HS1BP3: variants seen among roughly 807,000 people sequenced by gnomAD.
The protein encoded by HS1BP3 is HCLS1 binding protein 3.
Under a neutral mutation model 33.5 loss-of-function variants are expected in HS1BP3, and 32 were observed. The ratio of observed to expected loss-of-function variants is 0.95; its 90% CI spans 0.72 to 1.28. HS1BP3 has a LOEUF of 1.28. Among genes scored for constraint, HS1BP3 ranks in the 50% most tolerant of loss-of-function variants. HS1BP3 has a pLI of 0.00. For synonymous variants in HS1BP3, 187 were observed against 209.2 expected, an observed-to-expected ratio of 0.89 and a Z score of 0.92; for missense variants, 486 against 502.3, an observed-to-expected ratio of 0.97 and a Z score of 0.31.
chr2:20,607,342 G>T (rs112234471), intron 2 of HS1BP3, among the ~76,000 whole-genome samples: 8,974 of 152,120 alleles, frequency 0.059, 292 homozygotes, highest in Middle Eastern at 0.082. Context: ...TTTTAGAAGA[G>T]ACAGGGTTTC....
chr2:20,565,612 C>A (rs554343215), intron 5 of HS1BP3, among the ~76,000 whole-genome samples: 5 of 152,268 alleles, frequency 3.3e-5, no homozygotes, highest in Non-Finnish European at 7.3e-5. Context: ...GCAGGCCAAC[C>A]CCACCCCGTG....
chr2:20,638,162 T>C, intron 4 of HS1BP3: 2 of 581,898 alleles, frequency 3.4e-6, no homozygotes, highest in Non-Finnish European at 6.1e-6. Flanking sequence ...CGGAGGACTC[T>C]ACCAAGCCCC....
At chr2:20,595,922 G>A (rs921866244) in intron 3 of HS1BP3, among the ~76,000 whole-genome samples, 5 of 152,186 alleles carry the variant, frequency 3.3e-5, no homozygotes, top group African/African-American at 1.2e-4. Flanking sequence ...AGAGCTTCCC[G>A]CATGGCTGAT....
In HS1BP3 at chr2:20,573,886, G is replaced by A. The variant is rs375605249; in HGVS notation, c.303-13371C>T. On this transcript the variant is annotated intron_variant, in intron 5 of 5. Transcript: ENST00000446825. ...CCCACCAGGACAAGGAGGGCCAAGC[G>A]CTTTGCTGCCCTGCATGGTGGCCTG... 4.5e-4 allele frequency among the ~76,000 whole-genome samples: 68 copies of A among 152,328 alleles called. No individual in the cohort carries two copies. In the South Asian group the frequency reaches 0.011, roughly 25 times the overall value.
chr2:20,627,143 T>C (rs761872684), intron 4 of HS1BP3, among the ~76,000 whole-genome samples: 4 of 152,236 alleles, frequency 2.6e-5, no homozygotes, highest in Non-Finnish European at 5.9e-5. Flanking sequence ...GCGTGGCCCT[T>C]GCTCCTGGCC....
downstream of HS1BP3, among the ~76,000 whole-genome samples, chr2:20,587,678 A>G (rs4666433): frequency 0.95 from 144,796 of 152,218 alleles, 69,308 homozygotes; most frequent in South Asian, 1. Context: ...CCTGGGAGGC[A>G]GAGCTTGCAG....
Position 20,611,111 on chromosome 2 carries a change from G to A in HS1BP3, c.178+12785C>T, listed in dbSNP as rs1395608301. Among the ~76,000 whole-genome samples, 1 of 152,218 alleles carries A rather than the reference G, an allele frequency of 6.6e-6. No individual in the cohort carries two copies. Among genetic ancestry groups the A allele is most frequent in the Non-Finnish European group, 1.5e-5 (1 of 68,040 alleles). ...TAGCATGTTTGTGATATCCATTGTGGTATGTCTGTTAGAGGGTTTTTCCTT... is the reference window on the plus strand; with the variant it reads ...TAGCATGTTTGTGATATCCATTGTGATATGTCTGTTAGAGGGTTTTTCCTT... On this transcript the variant is annotated intron_variant, in intron 2 of 3. Transcript: ENST00000415264. This position sits in a 1 kb window ranked among gnomAD's most constrained non-coding sequence, Gnocchi z 4.9.
At chr2:20,603,788 G>T (rs975114261) in intron 2 of HS1BP3, among the ~76,000 whole-genome samples, 1 of 152,218 alleles carries the variant, frequency 6.6e-6, no homozygotes, top group African/African-American at 2.4e-5. Flanking sequence ...AAGCCACCAT[G>T]CTTGGCCTAC....
intron 3 of HS1BP3, among the ~76,000 whole-genome samples, chr2:20,597,168 G>A (rs998698309): frequency 2.0e-5 from 3 of 152,214 alleles, no homozygotes; most frequent in Non-Finnish European, 4.4e-5. Context: ...CTTGGCCACA[G>A]TCCTGGCCAT....
chr2:20,623,333 G>A (rs1440188104), intron 6 of HS1BP3: 1 of 152,232 alleles, frequency 6.6e-6, no homozygotes, highest in Non-Finnish European at 1.5e-5. Context: ...GAGCGTGTAA[G>A]GAGTCTGGCT....
chr2:20,638,796 A>T, intron 3 of HS1BP3, 144 bp from the exon 4 acceptor site: 2 of 652,298 alleles, frequency 3.1e-6, no homozygotes, highest in Non-Finnish European at 2.6e-6. Context: ...CCCTCCTGGG[A>T]CCTAAGCAGG....
intron 2 of HS1BP3, among the ~76,000 whole-genome samples, chr2:20,601,303 CATCAGT>C (rs1694063547): frequency 6.6e-6 from 1 of 152,156 alleles, no homozygotes; most frequent in African/African-American, 2.4e-5. Flanking sequence ...ACTGATAAAC[CATCAGT>C]ATCAGTATTC....
In HS1BP3 at chr2:20,618,993, GA is replaced by G. The variant is rs1558336853; in HGVS notation, c.1172del (p.Leu391ProfsTer21). ...HDTPAQAAPS[L>X]F ...AGGGGCCAGCATGGAAGGGTCAGAA[GA>G]GGCTGGGGGCGGCCTGGGCTGGTGT... On this transcript the variant is annotated frameshift_variant, in exon 7 of 7. Coordinates refer to ENST00000304031, the MANE Select transcript of HS1BP3 (RefSeq NM_022460.4). LOFTEE classifies it high-confidence loss of function. 1 of 1,613,592 alleles carries G rather than the reference GA, an allele frequency of 6.2e-7. No individual in the cohort carries two copies. Among genetic ancestry groups the G allele is most frequent in the Non-Finnish European group, 8.5e-7 (1 of 1,179,718 alleles).
chr2:20,579,786 C>T (rs1693489192), intron 5 of HS1BP3, among the ~76,000 whole-genome samples: 2 of 152,182 alleles, frequency 1.3e-5, no homozygotes, highest in South Asian at 2.1e-4. Flanking sequence ...TTTAAGTCTC[C>T]AAGACTCACT....
intron 4 of HS1BP3, 48 bp from the exon 5 acceptor site, chr2:20,624,940 C>T (rs1694730077): frequency 6.2e-7 from 1 of 1,607,266 alleles, no homozygotes; most frequent in South Asian, 1.1e-5. Context: ...CCACAAGTGT[C>T]CAGGTGGTCC....
chr2:20,605,132 G>A (rs1363222787), intron 2 of HS1BP3, among the ~76,000 whole-genome samples: 1 of 152,184 alleles, frequency 6.6e-6, no homozygotes, highest in Non-Finnish European at 1.5e-5. Flanking sequence ...TTTAGATGCA[G>A]CCAAGACAGA....
intron 4 of HS1BP3, among the ~76,000 whole-genome samples, chr2:20,631,715 G>A (rs1694974365): frequency 6.6e-6 from 1 of 151,818 alleles, no homozygotes; most frequent in South Asian, 2.1e-4. Flanking sequence ...GAGCTTGTGG[G>A]TGATGCCATT....
chr2:20,622,697 A>C (rs1208052285), intron 6 of HS1BP3: 1 of 211,028 alleles, frequency 4.7e-6, no homozygotes, highest in Non-Finnish European at 1.0e-5. Flanking sequence ...ATGGACTCCT[A>C]GACATGCTCG....
intron 5 of HS1BP3, among the ~76,000 whole-genome samples, chr2:20,578,810 A>C (rs1693461578): frequency 6.6e-6 from 1 of 152,242 alleles, no homozygotes; most frequent in Non-Finnish European, 1.5e-5. Flanking sequence ...TCAAGGCCAG[A>C]GTCCCTGGGT....
Sources: gnomAD v4.1 joint callset for allele counts (sites outside exome capture counted in the v4.1 genomes callset) on GRCh38, gnomAD v4.1.1 for gene constraint, Gnocchi (gnomAD v3.1) non-coding constraint, MANE v1.5 for transcripts, NCBI Gene and HGNC (gene_info 2026-07-23, HGNC 2026-07-21) for gene names.